The following HDAC5 variants were observed in gnomAD, a reference collection of about 807,000 sequenced individuals.
HDAC5 encodes the protein histone deacetylase 5.
In HDAC5, 25 loss-of-function variants were observed where a neutral mutation model predicts 133.3. The observed-to-expected ratio is 0.19, with a 90% confidence interval of 0.14 to 0.26. The LOEUF (loss-of-function observed/expected upper bound fraction) is 0.26. Ranked by LOEUF, HDAC5 falls within the 10% of genes least tolerant of loss-of-function variation. HDAC5 has a pLI of 1.00. For synonymous variants in HDAC5, 589 were observed against 610.8 expected (o/e 0.96, Z 0.53); for missense variants, 1,041 against 1,460.5 (o/e 0.71, Z 4.68).
chr17:44,078,683 G>A lies in HDAC5; in HGVS notation c.3164-18C>T, dbSNP rs745352219. ...GTGTTTGCCTGTGGACGAGAGACAG[G>A]CAAGGGGTCAGGGAGGGCAGAGGAC... On this transcript the variant is annotated intron_variant, in intron 25 of 26. Coordinates refer to ENST00000682912, the MANE Select transcript of HDAC5 (RefSeq NM_005474.5). The A allele has an allele frequency of 2.3e-5, 37 of 1,605,150 alleles. No homozygotes were observed. The highest frequency in any genetic ancestry group is 2.7e-5 in the Non-Finnish European group (32 of 1,177,098).
intron 21 of HDAC5, 88 bp downstream of exon 21, chr17:44,080,675 C>G: frequency 6.3e-7 from 1 of 1,581,032 alleles, no homozygotes; most frequent in African/African-American, 1.3e-5. Context: ...CCAACACCAC[C>G]ATGGGCCTCC....
intron 3 of HDAC5, among the ~76,000 whole-genome samples, chr17:44,108,767 A>AC (rs933251795): frequency 2.7e-5 from 4 of 146,462 alleles, no homozygotes; most frequent in African/African-American, 8.1e-5. Flanking sequence ...AAAAACAAAA[A>AC]AAAAACAAAA....
chr17:44,110,830 A>G (rs1412206705), intron 2 of HDAC5, 30 bp from the exon 3 acceptor site: 4 of 1,586,116 alleles, frequency 2.5e-6, no homozygotes, highest in Non-Finnish European at 2.6e-6. Context: ...TGTCTCATAG[A>G]TGGTCTGCAG....
intron 3 of HDAC5, among the ~76,000 whole-genome samples, chr17:44,107,769 A>T (rs1261085291): frequency 6.6e-6 from 1 of 152,142 alleles, no homozygotes; most frequent in Non-Finnish European, 1.5e-5. Flanking sequence ...AAGAGCACGA[A>T]CACGAATATC....
chr17:44,080,267 G>A lies in HDAC5; in HGVS notation c.2826-42C>T, dbSNP rs1261710472. ...CAAGCTGAGCCCGGCAGATGACCAG[G>A]CCAGGCCTCGCCCCACTGTTATCCT... On this transcript the variant is annotated intron_variant, in intron 22 of 26. Transcript: ENST00000682912. 13 of 1,572,186 alleles carry A rather than the reference G, an allele frequency of 8.3e-6. No homozygotes were observed. The South Asian group carries it at 1.3e-4, about 16-fold the overall frequency.
intron 2 of HDAC5, among the ~76,000 whole-genome samples, chr17:44,113,043 G>T (rs780608364): frequency 5.1e-4 from 78 of 152,112 alleles, no homozygotes; most frequent in Non-Finnish European, 5.6e-4. Flanking sequence ...ATTCAAGGGA[G>T]CCCAGAAAGC....
rs567719748 is a variant in HDAC5, at chr17:44,106,462, TG to T, written c.94+4266del. ...GGCTGTGTAGGTGGCATATTGCACA[TG>T]GGCTCTCGTCTAAAGGGGTGAGTTG... On this transcript the variant is annotated intron_variant, in intron 3 of 26. Transcript: ENST00000682912. Among the ~76,000 whole-genome samples the T allele has an allele frequency of 1.4e-3, 206 of 152,296 alleles. 1 individual carries two copies. The highest frequency in any genetic ancestry group is 1.0e-3 in the South Asian group (5 of 4,820).
chr17:44,093,289 G>A (rs758138676), intron 5 of HDAC5, 25 bp downstream of exon 5: 6 of 1,579,120 alleles, frequency 3.8e-6, no homozygotes, highest in East Asian at 2.3e-5. Flanking sequence ...GGGGCCCTAC[G>A]AGGTCCCAGG....
chr17:44,106,464 G>C (rs1199702325), intron 3 of HDAC5, among the ~76,000 whole-genome samples: 4 of 151,760 alleles, frequency 2.6e-5, no homozygotes, highest in Non-Finnish European at 5.9e-5. Context: ...ATTGCACATG[G>C]GCTCTCGTCT....
chr17:44,078,607 C>T lies in HDAC5; in HGVS notation c.3222G>A (p.Glu1074=), dbSNP rs766972698. 6.2e-7 allele frequency: 1 copy of T among 1,608,646 alleles called. No individual in the cohort carries two copies. The highest frequency in any genetic ancestry group is 1.3e-5 in the African/African-American group (1 of 75,056). The change falls in exon 26 of 27, where the codon GAG becomes GAA. Residue 1074 remains glutamate (E), a synonymous_variant. Transcript: ENST00000682912. ...FAAGLGRSLR[E]AQAGETEEAE... ...CCTCCTCGGTCTCACCTGCTTGGGC[C>T]TCTCGCAGGGACCGGCCCAGACCAG...
At chr17:44,112,007 G>T (rs898719552) in intron 2 of HDAC5, among the ~76,000 whole-genome samples, 1 of 152,116 alleles carries the variant, frequency 6.6e-6, no homozygotes, top group Non-Finnish European at 1.5e-5. Context: ...TGGTGACCTT[G>T]GGAGAGGCAC....
rs1271908682 is a variant in HDAC5, at chr17:44,092,295, A to G, written c.920-11T>C. On this transcript the variant is annotated splice_polypyrimidine_tract_variant and intron_variant, in intron 8 of 26. Coordinates refer to ENST00000682912, the MANE Select transcript of HDAC5 (RefSeq NM_005474.5). ...TACACACGGACGACGCTATAGGAGA[A>G]GTGGCTGTCACCTGGGCCTGCTGTG... 1.9e-6 allele frequency: 3 copies of G among 1,613,834 alleles called. No individual in the cohort carries two copies.
chr17:44,100,578 C>CAAAAAAAAAAA (rs869274112), intron 3 of HDAC5, among the ~76,000 whole-genome samples: 4 of 89,370 alleles, frequency 4.5e-5, no homozygotes, highest in African/African-American at 1.9e-4. Context: ...ACTAAAGATA[C>CAAAAAAAAAAA]AAAAAAAAAA....
chr17:44,122,616 A>G (rs1360028472), intron 1 of HDAC5, among the ~76,000 whole-genome samples: 1 of 152,050 alleles, frequency 6.6e-6, no homozygotes, highest in East Asian at 1.9e-4. Flanking sequence ...CTCCTCTCCC[A>G]AAGGAAGCAC....
rs997079411 is a variant in HDAC5 at position 44,084,756 on chromosome 17, G to A, written c.2185-81C>T. ...CTCTGCCCCATAGCCAGGGCACACA[G>A]AGCCACTTCCTGGCCTCAGGAGATC... On this transcript the variant is annotated intron_variant, in intron 15 of 26. Transcript: ENST00000682912. 5.8e-6 allele frequency: 9 copies of A among 1,544,182 alleles called. 1 individual carries two copies. The highest frequency in any genetic ancestry group is 4.1e-5 in the African/African-American group (3 of 73,258).
chr17:44,104,251 C>T (rs761995762), intron 3 of HDAC5, among the ~76,000 whole-genome samples: 1 of 152,062 alleles, frequency 6.6e-6, no homozygotes, highest in Middle Eastern at 3.4e-3. Flanking sequence ...TTGCAGTGAG[C>T]TGAGATTGCA....
intron 13 of HDAC5, 70 bp downstream of exon 13, chr17:44,087,342 A>G: frequency 1.4e-6 from 1 of 700,916 alleles, no homozygotes. Flanking sequence ...GGGAAAGACA[A>G]GGGCAGAGGC....
At chr17:44,111,406 G>A in intron 2 of HDAC5, 1 of 366,638 alleles carries the variant, frequency 2.7e-6, no homozygotes, top group South Asian at 2.0e-5. Context: ...GAACAGGGGA[G>A]GGCCTGCACT....
At chr17:44,121,943 C>A (rs2053031636) in intron 1 of HDAC5, among the ~76,000 whole-genome samples, 2 of 152,114 alleles carry the variant, frequency 1.3e-5, no homozygotes, top group African/African-American at 4.8e-5. Context: ...GGGCCCATTT[C>A]TCTAACTCAG....
Sources: gnomAD v4.1 joint callset for allele counts (sites outside exome capture counted in the v4.1 genomes callset) on GRCh38, gnomAD v4.1.1 for gene constraint, MANE v1.5 for transcripts, NCBI Gene and HGNC (gene_info 2026-07-23, HGNC 2026-07-21) for gene names.